SERINC3: variants seen among roughly 807,000 people sequenced by gnomAD.
SERINC3 encodes the protein tumor differentially expressed protein 1.
A neutral mutation model predicts 52.1 loss-of-function variants in SERINC3; 22 were observed. That is an observed-to-expected ratio of 0.42 (90% CI 0.30 to 0.60). The LOEUF is 0.60. Among genes scored for constraint, SERINC3 ranks in the 20% least tolerant of loss-of-function variants. SERINC3 has a pLI of 0.16. For synonymous variants in SERINC3, 226 were observed against 212.7 expected, an observed-to-expected ratio of 1.06 and a Z score of -0.54; for missense variants, 564 against 584.6, an observed-to-expected ratio of 0.96 and a Z score of 0.36.
At chr20:44,517,771 T>A (rs1232877193) in intron 1 of SERINC3, among the ~76,000 whole-genome samples, 1 of 152,218 alleles carries the variant, frequency 6.6e-6, no homozygotes, top group Non-Finnish European at 1.5e-5. Context: ...CTAATAAACT[T>A]ACTTACCTAT....
At chr20:44,520,613 G>A (rs2064410125) in intron 1 of SERINC3, among the ~76,000 whole-genome samples, 6 of 152,112 alleles carry the variant, frequency 3.9e-5, no homozygotes, top group Admixed American at 3.9e-4. Flanking sequence ...AGTGGGGAAG[G>A]ACGGTGGGGG....
intron 7 of SERINC3, among the ~76,000 whole-genome samples, chr20:44,504,303 T>C (rs993092567): frequency 6.6e-6 from 1 of 152,234 alleles, no homozygotes; most frequent in Non-Finnish European, 1.5e-5. Flanking sequence ...CAGAAGTTTA[T>C]CTCTATTTTG....
chr20:44,521,839 C>T (rs1249306566), intron 1 of SERINC3, 74 bp downstream of exon 1: 16 of 1,454,130 alleles, frequency 1.1e-5, no homozygotes, highest in African/African-American at 1.4e-5. Flanking sequence ...GGAGCCAAGG[C>T]CCGTGCAGCT....
rs558599538 is a variant in SERINC3, at chr20:44,497,823, T to C, written c.*2473A>G. 6.6e-6 allele frequency: 1 copy of C among 152,348 alleles called. No homozygotes were observed. The highest frequency in any genetic ancestry group is 2.4e-5 in the African/African-American group (1 of 41,580). The allele number at this position is 152,348 out of a possible 1,614,324, so 9.4% of individuals were successfully genotyped here. A position where few individuals can be genotyped will look rare whatever the true frequency, so the allele number is the denominator to read the frequency against. Reference sequence around the variant, plus strand: ...TCTAATTCTGTAACAAAATCTGAAATCCAGCCTCCATCAGATTCTGGCTAG... The same window carrying C: ...TCTAATTCTGTAACAAAATCTGAAACCCAGCCTCCATCAGATTCTGGCTAG... On this transcript the variant is annotated 3_prime_UTR_variant, in exon 10 of 10. Coordinates refer to ENST00000342374, the MANE Select transcript of SERINC3 (RefSeq NM_006811.4).
chr20:44,510,821 A>G (rs1361428644), intron 4 of SERINC3, among the ~76,000 whole-genome samples: 1 of 152,096 alleles, frequency 6.6e-6, no homozygotes, highest in East Asian at 1.9e-4. Context: ...ATATATATAT[A>G]TATATAGTGA....
intron 3 of SERINC3, 41 bp downstream of exon 3, chr20:44,512,760 C>A (rs1479848732): frequency 3.4e-6 from 5 of 1,478,374 alleles, no homozygotes; most frequent in Non-Finnish European, 4.5e-6. Flanking sequence ...GAAGGAAGAG[C>A]CACACCATAA....
chr20:44,514,586 T>C (rs1288035774), intron 1 of SERINC3, among the ~76,000 whole-genome samples: 1 of 151,746 alleles, frequency 6.6e-6, no homozygotes, highest in Non-Finnish European at 1.5e-5. Context: ...GGTGAAACCC[T>C]GTCTCTACTA....
In SERINC3 at chr20:44,512,997, G is replaced by A; in HGVS notation, c.202-3C>T. The A allele has an allele frequency of 2.0e-6, 3 of 1,485,980 alleles. No homozygotes were observed. The highest frequency in any genetic ancestry group is 2.8e-5 in the South Asian group (2 of 70,420). 92.0% of individuals were successfully genotyped at this position (1,485,980 alleles called of 1,614,324 possible). A position where few individuals can be genotyped will look rare whatever the true frequency, so the allele number is the denominator to read the frequency against. ...CCCCCTTCACAAAATCCAGGAATCT[G>A]GAAAAAAGCAATTTCAATGTTACGA... On this transcript the variant is annotated splice_polypyrimidine_tract_variant and splice_region_variant and intron_variant, in intron 2 of 9. Transcript: ENST00000342374.
intron 1 of SERINC3, chr20:44,519,394 C>A (rs935601748): frequency 6.1e-5 from 60 of 979,922 alleles, no homozygotes; most frequent in Non-Finnish European, 7.0e-5. Context: ...CCATGCCTGG[C>A]CTTCAACTCA....
intron 6 of SERINC3, among the ~76,000 whole-genome samples, 193 bp downstream of exon 6, chr20:44,506,634 T>TC (rs1317401917): frequency 6.2e-5 from 8 of 128,846 alleles, no homozygotes; most frequent in African/African-American, 2.5e-4. Context: ...TCAAGTTACC[T>TC]GGGTTTTTTT....
chr20:44,520,719 A>C (rs2064411175), intron 1 of SERINC3, among the ~76,000 whole-genome samples: 1 of 152,246 alleles, frequency 6.6e-6, no homozygotes, highest in African/African-American at 2.4e-5. Context: ...CAATATACCC[A>C]TGTAACAAAA....
intron 4 of SERINC3, 129 bp downstream of exon 4, chr20:44,511,160 C>T (rs535243844): frequency 9.7e-6 from 6 of 618,074 alleles, no homozygotes; most frequent in Admixed American, 3.1e-5. Flanking sequence ...GTGATCCGCC[C>T]GTCTTGGCCT....
chr20:44,511,908 G>T lies in SERINC3; in HGVS notation c.396-540C>A, dbSNP rs143224364. 4.5e-3 allele frequency among the ~76,000 whole-genome samples: 680 copies of T among 152,284 alleles called. 10 individuals carry two copies. The highest frequency in any genetic ancestry group is 0.016 in the African/African-American group (646 of 41,548). On this transcript the variant is annotated intron_variant, in intron 3 of 9. Transcript: ENST00000342374. ...TCAATCTTAGCTCCAACCTCCAACT[G>T]GTTAACAGGTCTCAGACAATTTATT... is the stretch of plus-strand genomic sequence containing the variant.
rs143381118 is a variant in SERINC3 at position 44,504,878 on chromosome 20, C to A, written c.797G>T (p.Arg266Leu). 4.3e-6 allele frequency: 7 copies of A among 1,612,914 alleles called. No individual in the cohort carries two copies. Among genetic ancestry groups the A allele is most frequent in the East Asian group, 2.2e-5 (1 of 44,864 alleles). The stretch of plus-strand genomic sequence containing the variant: ...GAGGGAGGACTGCAAGAGGCCGGAG[C>A]GAGGCTGGTGTTCCTATGGAATCAA... ...IHPKIQEHQP[R>L]SGLLQSSLIT... Residue 266 changes from arginine (R) to leucine (L), a missense_variant, in exon 7 of 10, where the codon CGC becomes CTC. Physicochemically the swap from Arg to Leu is moderately radical, Grantham distance 102. Transcript: ENST00000342374.
At chr20:44,508,030 AT>A (rs2064325524) in intron 5 of SERINC3, among the ~76,000 whole-genome samples, 1 of 152,206 alleles carries the variant, frequency 6.6e-6, no homozygotes, top group Non-Finnish European at 1.5e-5. Flanking sequence ...ATCTCAATGA[AT>A]TTTGCATGTC....
chr20:44,496,731 T>C (rs977974189), downstream of SERINC3, among the ~76,000 whole-genome samples: 3 of 151,898 alleles, frequency 2.0e-5, no homozygotes, highest in Non-Finnish European at 4.4e-5. Context: ...GAGGTGGAGG[T>C]TGCAGTGAGC....
In SERINC3 at chr20:44,501,151, T is replaced by C; in HGVS notation, c.1205A>G (p.Gln402Arg). ...GAGGTGGAATAAGGAGTAGCTATAC[T>C]GCACTCCCTCTTTCTCGTTGTCCAC... ...RAVDNEKEGV[Q>R]YSYSLFHLML... Residue 402 changes from glutamine to arginine, a missense_variant, in exon 9 of 10, where the codon CAG becomes CGG. Gln to Arg is a conservative substitution (Grantham distance 43). Transcript: ENST00000342374. The C allele has an allele frequency of 6.2e-7, 1 of 1,614,122 alleles. No homozygotes were observed. Among genetic ancestry groups the C allele is most frequent in the Non-Finnish European group, 8.5e-7 (1 of 1,179,990 alleles).
chr20:44,511,907 T>C (rs1032284350), intron 3 of SERINC3, among the ~76,000 whole-genome samples: 1 of 152,230 alleles, frequency 6.6e-6, no homozygotes, highest in Non-Finnish European at 1.5e-5. Flanking sequence ...AACCTCCAAC[T>C]GGTTAACAGG....
At chr20:44,515,838 TAG>T (rs2064377108) in intron 1 of SERINC3, among the ~76,000 whole-genome samples, 1 of 151,912 alleles carries the variant, frequency 6.6e-6, no homozygotes, top group African/African-American at 2.4e-5. Context: ...TATTTTTTAG[TAG>T]AGACAGGGTT....
Sources: allele counts gnomAD v4.1 joint callset (sites outside exome capture counted in the v4.1 genomes callset), GRCh38; gene constraint gnomAD v4.1.1; transcripts MANE v1.5; gene names NCBI Gene and HGNC (gene_info 2026-07-23, HGNC 2026-07-21).